The following GDAP1 variants were observed in gnomAD, a reference collection of about 807,000 sequenced individuals.
GDAP1 encodes the protein ganglioside-induced differentiation-associated protein 1.
Under a neutral mutation model 40.1 loss-of-function variants are expected in GDAP1, and 34 were observed. That is an observed-to-expected ratio of 0.85 (90% CI 0.64 to 1.13). The LOEUF (loss-of-function observed/expected upper bound fraction) is 1.13, where lower values mean the gene tolerates loss of function less well. GDAP1 is among the 50% of genes most tolerant of loss of function. The pLI, the probability that GDAP1 is intolerant of heterozygous loss-of-function variation, is 0.00. For missense variants in GDAP1, 374 were observed against 433.7 expected, an observed-to-expected ratio of 0.86 and a Z score of 1.22; for synonymous variants, 170 against 157.4, an observed-to-expected ratio of 1.08 and a Z score of -0.60.
intron 2 of GDAP1, among the ~76,000 whole-genome samples, chr8:74,425,806 T>C (rs930540233): frequency 2.0e-5 from 3 of 152,214 alleles, no homozygotes; most frequent in Non-Finnish European, 4.4e-5. Context: ...GTAGGTAGAA[T>C]GTTTCTATGT....
chr8:74,354,812 G>A (rs753471272), intron 2 of GDAP1, among the ~76,000 whole-genome samples: 1 of 152,196 alleles, frequency 6.6e-6, no homozygotes, highest in African/African-American at 2.4e-5. Context: ...AATTATGGAT[G>A]TAACTTTGAG....
downstream of GDAP1, among the ~76,000 whole-genome samples, chr8:74,367,311 A>G (rs1253235713): frequency 2.0e-5 from 3 of 152,194 alleles, no homozygotes; most frequent in Admixed American, 6.5e-5. Context: ...TGGATTATTC[A>G]TATTGAAATT....
chr8:74,461,304 TGCTCTC>T (rs1158109149), intron 2 of GDAP1, among the ~76,000 whole-genome samples: 1 of 152,228 alleles, frequency 6.6e-6, no homozygotes. Context: ...ATTAATGCTC[TGCTCTC>T]TAAAGCCTAT....
chr8:74,423,753 G>C (rs1805912793), intron 2 of GDAP1, among the ~76,000 whole-genome samples: 1 of 152,006 alleles, frequency 6.6e-6, no homozygotes, highest in African/African-American at 2.4e-5. Flanking sequence ...CCACAAATGG[G>C]ATTTCTTGCA....
At chr8:74,356,659 AGTGTGTGTGTGTGTGT>A (rs144717682) in intron 2 of GDAP1, among the ~76,000 whole-genome samples, 5 of 122,960 alleles carry the variant, frequency 4.1e-5, no homozygotes, top group South Asian at 2.5e-4. Flanking sequence ...AATATTATTT[AGTGTGTGTGTGTGTGT>A]GTGTGTGTGT....
chr8:74,390,527 A>T (rs1277529538), intron 2 of GDAP1, among the ~76,000 whole-genome samples: 1 of 152,102 alleles, frequency 6.6e-6, no homozygotes, highest in East Asian at 1.9e-4. Context: ...AACAGCAAAG[A>T]TTGCTCCCTA....
chr8:74,384,691 A>G (rs914936922), intron 2 of GDAP1, among the ~76,000 whole-genome samples: 1 of 152,192 alleles, frequency 6.6e-6, no homozygotes, highest in Non-Finnish European at 1.5e-5. Context: ...CACTACAAAA[A>G]TTCAATATAA....
intron 2 of GDAP1, among the ~76,000 whole-genome samples, chr8:74,391,702 T>C (rs991912010): frequency 6.6e-6 from 1 of 152,068 alleles, no homozygotes; most frequent in Non-Finnish European, 1.5e-5. Context: ...AAAGTTAATA[T>C]TACTGGTTAA....
At position 74,441,384 on chromosome 8, in the gene GDAP1, G is replaced by C. The variant is rs142558016; in HGVS notation, c.166-47294G>C. Among the ~76,000 whole-genome samples, 1,494 of 152,248 alleles carry C rather than the reference G, an allele frequency of 9.8e-3. 10 individuals carry two copies. The highest frequency in any genetic ancestry group is 0.016 in the Non-Finnish European group (1,084 of 67,984). On this transcript the variant is annotated intron_variant, in intron 2 of 2. Transcript: ENST00000523640. ...ACATCAAATGGATGAAGAACATATAGATTTAGCAGCTAATAAGCAAGCTGA... is the reference window on the plus strand; with the variant it reads ...ACATCAAATGGATGAAGAACATATACATTTAGCAGCTAATAAGCAAGCTGA...
chr8:74,441,267 CTACTT>C (rs915433398), intron 2 of GDAP1, among the ~76,000 whole-genome samples: 1 of 152,116 alleles, frequency 6.6e-6, no homozygotes, highest in Non-Finnish European at 1.5e-5. Flanking sequence ...TTGTTTATGA[CTACTT>C]TACTATGTAA....
At chr8:74,353,516 A>G (rs945911362) in intron 2 of GDAP1, among the ~76,000 whole-genome samples, 2 of 152,218 alleles carry the variant, frequency 1.3e-5, no homozygotes, top group East Asian at 3.8e-4. Flanking sequence ...CGTTATCACA[A>G]TTATAATTAA....
At chr8:74,353,373 C>T (rs1046000618) in intron 2 of GDAP1, among the ~76,000 whole-genome samples, 2 of 152,068 alleles carry the variant, frequency 1.3e-5, no homozygotes, top group Non-Finnish European at 2.9e-5. Context: ...GACGAAAAAA[C>T]GATTAAGGGA....
chr8:74,351,174 G>A, intron 1 of GDAP1, 100 bp from the exon 2 acceptor site: 1 of 913,022 alleles, frequency 1.1e-6, no homozygotes, highest in Admixed American at 1.7e-5. Context: ...GAAAATGTCG[G>A]TAACACAGGG....
At chr8:74,411,405 G>A (rs1454858513) in intron 2 of GDAP1, among the ~76,000 whole-genome samples, 6 of 149,566 alleles carry the variant, frequency 4.0e-5, no homozygotes, top group Non-Finnish European at 7.4e-5. Flanking sequence ...CAATCTGAAT[G>A]TTATGTTATG....
At chr8:74,478,961 C>T (rs1467823727) in intron 2 of GDAP1, among the ~76,000 whole-genome samples, 1 of 152,204 alleles carries the variant, frequency 6.6e-6, no homozygotes, top group Non-Finnish European at 1.5e-5. Flanking sequence ...CCTTTCAACT[C>T]AGCATCTGTG....
intron 2 of GDAP1, among the ~76,000 whole-genome samples, chr8:74,443,465 A>C (rs538123682): frequency 6.6e-6 from 1 of 152,292 alleles, no homozygotes; most frequent in Admixed American, 6.5e-5. Flanking sequence ...TATTTATTTT[A>C]AAATTAGTTG....
intron 2 of GDAP1, among the ~76,000 whole-genome samples, chr8:74,390,776 G>A (rs1037933319): frequency 2.6e-5 from 4 of 152,294 alleles, no homozygotes; most frequent in African/African-American, 4.8e-5. Flanking sequence ...GTGAGACTGC[G>A]CCCACAGCTG....
At chr8:74,455,171 G>A (rs1806320178) in intron 2 of GDAP1, among the ~76,000 whole-genome samples, 1 of 151,914 alleles carries the variant, frequency 6.6e-6, no homozygotes, top group African/African-American at 2.4e-5. Context: ...TAAAAAAATA[G>A]TATTGGTACA....
At chr8:74,403,120 C>T (rs1490125689) in intron 2 of GDAP1, among the ~76,000 whole-genome samples, 1 of 150,014 alleles carries the variant, frequency 6.7e-6, no homozygotes, top group Non-Finnish European at 1.5e-5. Flanking sequence ...AATTTTATAT[C>T]TCGCAGTGAT....
Sources: allele counts gnomAD v4.1 joint callset (sites outside exome capture counted in the v4.1 genomes callset), GRCh38; gene constraint gnomAD v4.1.1; transcripts MANE v1.5; gene names NCBI Gene and HGNC (gene_info 2026-07-23, HGNC 2026-07-21).